The following ANKMY1 variants were observed in gnomAD, a reference collection of about 807,000 sequenced individuals.
The protein encoded by ANKMY1 is ankyrin repeat and MYND domain containing 1, also known as ankyrin repeat and MYND domain-containing protein 1.
Under a neutral mutation model 102.0 loss-of-function variants are expected in ANKMY1, and 98 were observed. The ratio of observed to expected loss-of-function variants is 0.96; its 90% CI spans 0.82 to 1.14. ANKMY1 has a LOEUF of 1.14. Among genes scored for constraint, ANKMY1 ranks in the 50% most tolerant of loss-of-function variants. The probability of loss-of-function intolerance (pLI) is 0.00; values close to 1 mark genes in which losing one functional copy is unlikely to be tolerated. For synonymous variants in ANKMY1, 582 were observed against 559.9 expected (o/e 1.04, Z -0.56); for missense variants, 1,330 against 1,347.6 (o/e 0.99, Z 0.20).
chr2:240,539,382 C>G (rs1257135344), intron 4 of ANKMY1, among the ~76,000 whole-genome samples: 3 of 152,174 alleles, frequency 2.0e-5, no homozygotes, highest in Non-Finnish European at 4.4e-5. Context: ...CCGTGAAGGT[C>G]TGCAGCTTCA....
intron 13 of ANKMY1, among the ~76,000 whole-genome samples, chr2:240,504,014 G>T (rs769490938): frequency 9.8e-5 from 15 of 152,306 alleles, no homozygotes; most frequent in South Asian, 2.1e-4. Context: ...GCAACACCTC[G>T]ATCGCGGCCT....
At chr2:240,477,037 G>A (rs1214832419), downstream of ANKMY1, among the ~76,000 whole-genome samples, 2 of 152,260 alleles carry the variant, frequency 1.3e-5, no homozygotes, top group South Asian at 2.1e-4. Context: ...GACCAGTGGA[G>A]GCCGGGCGCA....
Position 240,529,550 on chromosome 2 carries a change from C to T in ANKMY1, c.481-41G>A, listed in dbSNP as rs2084811831. ...AATAGACCGAGGAGAGATAACGCGA[C>T]CCAGCTGCACATGTGATCATGTTTG... On this transcript the variant is annotated intron_variant, in intron 4 of 17. Coordinates refer to ENST00000401804, the MANE Select transcript of ANKMY1 (RefSeq NM_001282771.3). This position sits in a 1 kb window ranked among gnomAD's most constrained non-coding sequence, Gnocchi z 4.2. 6.6e-7 allele frequency: 1 copy of T among 1,516,234 alleles called. No individual in the cohort carries two copies. Among genetic ancestry groups the T allele is most frequent in the Admixed American group, 2.0e-5 (1 of 49,218 alleles). The allele number at this position is 1,516,234 out of a possible 1,614,324, so 93.9% of individuals were successfully genotyped here.
At position 240,529,223 on chromosome 2, in the gene ANKMY1, G is replaced by A. The variant is rs1420913698; in HGVS notation, c.767C>T (p.Pro256Leu). Residue 256 changes from proline (P) to leucine (L), a missense_variant, in exon 5 of 18, where the codon CCT (proline) becomes CTT (leucine). Transcript: ENST00000401804. This position sits in a 1 kb window ranked among gnomAD's most constrained non-coding sequence, Gnocchi z 4.2. ...GGTCGAGTAGACATACATTTCTGGAGGCAGCGTTAGGTTGTCATTCAGAAG... is the reference window on the plus strand; with the variant it reads ...GGTCGAGTAGACATACATTTCTGGAAGCAGCGTTAGGTTGTCATTCAGAAG... Reference protein sequence around the residue: ...RFLLNDNLTLPPEMYVYSTNS... With the variant: ...RFLLNDNLTLLPEMYVYSTNS... 1 of 1,614,218 alleles carries A rather than the reference G, an allele frequency of 6.2e-7. No individual in the cohort carries two copies. Among genetic ancestry groups the A allele is most frequent in the Admixed American group, 1.7e-5 (1 of 60,026 alleles).
In ANKMY1 at chr2:240,500,050, C is replaced by G. The variant is rs148269572; in HGVS notation, c.2714G>C (p.Arg905Pro). 99 of 1,612,832 alleles carry G rather than the reference C, an allele frequency of 6.1e-5. No homozygotes were observed. Among genetic ancestry groups the G allele is most frequent in the Non-Finnish European group, 8.3e-5 (98 of 1,179,692 alleles). ...CTGCAAGCCCATGTACTCCAGGAGC[C>G]GCTTCCGCGCCAGGAACGTCTCGCG... ...AERETFLARK[R>P]LLEYMGLQLR... Residue 905 changes from arginine (R) to proline (P), a missense_variant, in exon 15 of 18, where the codon CGG becomes CCG. By Grantham distance (103) the Arg-to-Pro change is moderately radical (BLOSUM62 -2). Transcript: ENST00000401804.
intron 4 of ANKMY1, among the ~76,000 whole-genome samples, chr2:240,535,415 G>C (rs769590597): frequency 3.3e-5 from 5 of 152,156 alleles, no homozygotes; most frequent in Admixed American, 6.5e-5. Context: ...TTCAGAGAGA[G>C]AGCAGGTTGT....
rs1320105550 is a variant in ANKMY1, at chr2:240,553,003, A to T, written c.391T>A (p.Trp131Arg). ...CCCGTGAAACTGGAGCCATCTGGCCACATGTAGGTACCCAGGCCATGGCAG... is the reference window on the plus strand; with the variant it reads ...CCCGTGAAACTGGAGCCATCTGGCCTCATGTAGGTACCCAGGCCATGGCAG... ...DHCHGLGTYM[W>R]PDGSSFTGTF... Residue 131 changes from tryptophan to arginine, a missense_variant, in exon 4 of 18, where the codon TGG becomes AGG. Trp to Arg is a moderately radical substitution (Grantham distance 101, BLOSUM62 -3). Coordinates refer to ENST00000401804, the MANE Select transcript of ANKMY1 (RefSeq NM_001282771.3). 1 of 1,614,062 alleles carries T rather than the reference A, an allele frequency of 6.2e-7. No homozygotes were observed.
At chr2:240,469,559 C>T in the ANKMY1 span, among the ~76,000 whole-genome samples, 1 of 152,248 alleles carries the variant, frequency 6.6e-6, no homozygotes, top group Admixed American at 6.5e-5. Context: ...TGGGTGGCCC[C>T]AGCGTCTCCC....
intron 16 of ANKMY1, among the ~76,000 whole-genome samples, chr2:240,481,503 C>T (rs1222542573): frequency 6.6e-6 from 1 of 151,920 alleles, no homozygotes; most frequent in East Asian, 1.9e-4. Flanking sequence ...ATGGAGGCTG[C>T]CTTTGGGGTG....
At chr2:240,469,633 A>G in the ANKMY1 span, among the ~76,000 whole-genome samples, 1 of 95,770 alleles carries the variant, frequency 1.0e-5, no homozygotes, top group Middle Eastern at 5.5e-3. Flanking sequence ...ACATACACCC[A>G]TCACACGGTG....
At chr2:240,541,518 T>C (rs1299857454) in intron 4 of ANKMY1, among the ~76,000 whole-genome samples, 3 of 148,996 alleles carry the variant, frequency 2.0e-5, no homozygotes, top group Non-Finnish European at 4.5e-5. Context: ...TTTTTTTTTT[T>C]TTTTGAGACG....
At chr2:240,494,073 T>A (rs1046525726) in intron 15 of ANKMY1, among the ~76,000 whole-genome samples, 1 of 151,904 alleles carries the variant, frequency 6.6e-6, no homozygotes, top group Admixed American at 6.6e-5. Context: ...GGAGGTTAGG[T>A]CCAACCTCAG....
At chr2:240,526,822 C>T in intron 5 of ANKMY1, 2 of 1,189,776 alleles carry the variant, frequency 1.7e-6, no homozygotes, top group South Asian at 3.5e-5. Context: ...GTCTCAGCAC[C>T]AACACCCACA....
At chr2:240,509,619 T>C (rs774526660) in intron 11 of ANKMY1, among the ~76,000 whole-genome samples, 164 bp from the exon 12 acceptor site, 16 of 152,136 alleles carry the variant, frequency 1.1e-4, no homozygotes, top group South Asian at 2.1e-4. Context: ...TGTGGATGCA[T>C]AGATGGATAG....
chr2:240,538,416 G>C (rs2087538688), intron 4 of ANKMY1, among the ~76,000 whole-genome samples: 1 of 152,186 alleles, frequency 6.6e-6, no homozygotes, highest in African/African-American at 2.4e-5. Context: ...GAGGGGCTTA[G>C]CACCTGGGCC....
At chr2:240,544,123 A>G (rs1457636659) in intron 4 of ANKMY1, among the ~76,000 whole-genome samples, 1 of 152,234 alleles carries the variant, frequency 6.6e-6, no homozygotes, top group Non-Finnish European at 1.5e-5. Context: ...GGAACCAGTA[A>G]GTAGGGGAAA....
chr2:240,478,019 C>T (rs955971727), downstream of ANKMY1, among the ~76,000 whole-genome samples: 1 of 152,068 alleles, frequency 6.6e-6, no homozygotes, highest in Non-Finnish European at 1.5e-5. Context: ...GATTGGATCC[C>T]GGGGGCAGAC....
intron 15 of ANKMY1, among the ~76,000 whole-genome samples, chr2:240,491,938 C>T (rs2076700269): frequency 6.6e-6 from 1 of 152,086 alleles, no homozygotes; most frequent in Non-Finnish European, 1.5e-5. Context: ...CTTTATCTGA[C>T]TGTCTATATC....
chr2:240,487,713 GT>G (rs571603626), intron 15 of ANKMY1, among the ~76,000 whole-genome samples: 6 of 151,654 alleles, frequency 4.0e-5, no homozygotes, highest in Non-Finnish European at 5.9e-5. Flanking sequence ...CTATTCTTTT[GT>G]TTTTTTTAGG....
Sources: gnomAD v4.1 joint callset for allele counts (sites outside exome capture counted in the v4.1 genomes callset) on GRCh38, gnomAD v4.1.1 for gene constraint, Gnocchi (gnomAD v3.1) non-coding constraint, MANE v1.5 for transcripts, NCBI Gene and HGNC (gene_info 2026-07-23, HGNC 2026-07-21) for gene names.